The following PACRGL variants were observed in gnomAD, a reference collection of about 807,000 sequenced individuals.
PACRGL encodes PACRG-like protein.
In PACRGL, 38 loss-of-function variants were observed where a neutral mutation model predicts 34.5. The ratio of observed to expected loss-of-function variants is 1.10; its 90% confidence interval spans 0.85 to 1.44. PACRGL has a LOEUF of 1.44. PACRGL is among the 40% of genes most tolerant of loss of function. The pLI is 0.00. For missense variants in PACRGL, 305 were observed against 281.4 expected (o/e 1.08, Z -0.60); for synonymous variants, 128 against 100.1 (o/e 1.28, Z -1.66).
chr4:20,757,072 G>T (rs977936133), downstream of PACRGL, among the ~76,000 whole-genome samples: 8 of 152,012 alleles, frequency 5.3e-5, no homozygotes, highest in Non-Finnish European at 8.8e-5. Context: ...GATGTAATTT[G>T]TCCAAAACTG....
At position 20,729,800 on chromosome 4, in the gene PACRGL, G is replaced by A. The variant is rs1375673914; in HGVS notation, c.*2459G>A. On this transcript the variant is annotated 3_prime_UTR_variant, in exon 9 of 9. Coordinates refer to ENST00000503585, the MANE Select transcript of PACRGL (RefSeq NM_001258345.3). ...AAAGCCTCAATAATCCCATGGCTAAGGAACCAATAAAACTATATGCCAGAT... is the reference window on the plus strand; with the variant it reads ...AAAGCCTCAATAATCCCATGGCTAAAGAACCAATAAAACTATATGCCAGAT... 1 of 307,730 alleles carries A rather than the reference G, an allele frequency of 3.2e-6. No individual in the cohort carries two copies. The highest frequency in any genetic ancestry group is 2.2e-5 in the African/African-American group (1 of 46,452). The allele number at this position is 307,730 out of a possible 1,614,324, so 19.1% of individuals were successfully genotyped here. A position where few individuals can be genotyped will look rare whatever the true frequency, so the allele number is the denominator to read the frequency against.
At chr4:20,735,245 T>C, downstream of PACRGL, among the ~76,000 whole-genome samples, 1 of 152,222 alleles carries the variant, frequency 6.6e-6, no homozygotes, top group Non-Finnish European at 1.5e-5. Context: ...ACAGACTGCC[T>C]GGATTCACCC....
chr4:20,720,997 C>T (rs1469154864), intron 7 of PACRGL, among the ~76,000 whole-genome samples: 2 of 152,156 alleles, frequency 1.3e-5, no homozygotes, highest in African/African-American at 2.4e-5. Context: ...CACATAGTTC[C>T]ATATTTCTTG....
chr4:20,736,018 A>C (rs929330137), downstream of PACRGL, among the ~76,000 whole-genome samples: 6 of 152,132 alleles, frequency 3.9e-5, no homozygotes, highest in Non-Finnish European at 8.8e-5. Context: ...GAATTTCTCA[A>C]AATGTTTTTT....
chr4:20,707,686 T>C, intron 3 of PACRGL, 117 bp from the exon 4 acceptor site: 2 of 761,670 alleles, frequency 2.6e-6, no homozygotes, highest in Non-Finnish European at 4.6e-6. Context: ...CTCAACTGTG[T>C]TGCTGAGTAG....
Position 20,709,705 on chromosome 4 carries a change from C to A in PACRGL, c.298C>A (p.His100Asn). The A allele has an allele frequency of 1.2e-6, 2 of 1,607,628 alleles. No homozygotes were observed. The highest frequency in any genetic ancestry group is 1.7e-6 in the Non-Finnish European group (2 of 1,175,408). The change falls in exon 5 of 9, where the codon CAC becomes AAC. Residue 100 changes from histidine (H) to asparagine (N), a missense_variant. His to Asn is a moderately conservative substitution (Grantham distance 68). Coordinates refer to ENST00000503585, the MANE Select transcript of PACRGL (RefSeq NM_001258345.3). ...PCRLVHGSVK[H>N]RLQWECPPES... ...TAGATTGGTACATGGTTCAGTAAAA[C>A]ACAGATTACAGTGGGAATGTCCTCC...
the PACRGL span, among the ~76,000 whole-genome samples, chr4:20,764,032 T>C: frequency 6.6e-6 from 1 of 152,314 alleles, no homozygotes; most frequent in Non-Finnish European, 1.5e-5. Flanking sequence ...GCAGTAGGGT[T>C]CCTGGGTTTA....
rs189809747 is a variant in PACRGL, at chr4:20,744,911, G to T, written c.*57-7654G>T. ...CTGTGGAAGTTCACTTCATCTCTGAGTCTAGTGATAGAGCCATGACCTGGG... is the reference window on the plus strand; with the variant it reads ...CTGTGGAAGTTCACTTCATCTCTGATTCTAGTGATAGAGCCATGACCTGGG... On this transcript the variant is annotated intron_variant, in intron 8 of 8. Coordinates refer to the PACRGL transcript ENST00000507634. 2.3e-3 allele frequency among the ~76,000 whole-genome samples: 352 copies of T among 152,262 alleles called. 8 individuals are homozygous for T. The South Asian group carries it at 0.046, about 20-fold the overall frequency.
intron 3 of PACRGL, among the ~76,000 whole-genome samples, chr4:20,705,571 A>G (rs955093955): frequency 5.3e-5 from 8 of 152,120 alleles, no homozygotes; most frequent in African/African-American, 1.9e-4. Context: ...TCTGTAATCT[A>G]CAGTGTCAAG....
chr4:20,712,910 A>C lies in PACRGL; in HGVS notation c.489A>C (p.Leu163=). The C allele has an allele frequency of 6.3e-7, 1 of 1,578,000 alleles. No homozygotes were observed. Among genetic ancestry groups the C allele is most frequent in the South Asian group, 1.2e-5 (1 of 84,766 alleles). Residue 163 remains leucine (L), a synonymous_variant, in exon 6 of 9, where the codon CTA becomes CTC. Transcript: ENST00000503585. The stretch of plus-strand genomic sequence containing the variant: ...TGCTACCTAGACTGATTCCTGTGCT[A>C]AAGGCAGCTCTGGTATGTCATTTAT... ...IPLLPRLIPV[L]KAALVHSDDE... is the part of the protein sequence containing the mutation.
At chr4:20,734,594 C>G (rs369137711), downstream of PACRGL, 28 of 974,270 alleles carry the variant, frequency 2.9e-5, no homozygotes, top group Non-Finnish European at 4.0e-5. Context: ...GAAAATGGTC[C>G]AAATTACTGT....
chr4:20,741,832 TAAAG>T (rs560787256), intron 8 of PACRGL, among the ~76,000 whole-genome samples: 1,941 of 151,912 alleles, frequency 0.013, 20 homozygotes, highest in Non-Finnish European at 0.018. Flanking sequence ...GCAAGGCTAA[TAAAG>T]AAGAAAAGAG....
downstream of PACRGL, among the ~76,000 whole-genome samples, chr4:20,735,724 A>C (rs1458947925): frequency 3.3e-5 from 5 of 151,892 alleles, no homozygotes; most frequent in Non-Finnish European, 7.4e-5. Flanking sequence ...TTTGGTAGAG[A>C]TGGGGTTTCA....
intron 8 of PACRGL, among the ~76,000 whole-genome samples, chr4:20,747,974 T>C (rs1752722456): frequency 6.6e-6 from 1 of 152,204 alleles, no homozygotes; most frequent in African/African-American, 2.4e-5. Context: ...TTTGTTTTAA[T>C]TTCTTTTGAA....
downstream of PACRGL, chr4:20,734,558 C>T: frequency 2.7e-6 from 2 of 731,068 alleles, no homozygotes; most frequent in Non-Finnish European, 4.3e-6. Flanking sequence ...TTAATAATTG[C>T]AATTAATATT....
Position 20,729,887 on chromosome 4 carries a change from G to A in PACRGL, c.*2546G>A. On this transcript the variant is annotated 3_prime_UTR_variant, in exon 9 of 9. Transcript: ENST00000503585. ...GTTAGACCATCCCCTGAACTCAGTG[G>A]CATTATGAAAAGGATGCAAATTTAT... 2.0e-6 allele frequency: 1 copy of A among 505,112 alleles called. No homozygotes were observed. The highest frequency in any genetic ancestry group is 4.3e-5 in the South Asian group (1 of 23,364). 31.3% of individuals were successfully genotyped at this position (505,112 alleles called of 1,614,324 possible). A position where few individuals can be genotyped will look rare whatever the true frequency, so the allele number is the denominator to read the frequency against.
downstream of PACRGL, among the ~76,000 whole-genome samples, chr4:20,736,306 G>A (rs193207478): frequency 6.9e-4 from 105 of 152,092 alleles, no homozygotes; most frequent in African/African-American, 2.0e-3. Context: ...TAAATACATC[G>A]TAGTTTATTT....
At chr4:20,723,246 A>G (rs1209208715) in intron 7 of PACRGL, among the ~76,000 whole-genome samples, 5 of 152,196 alleles carry the variant, frequency 3.3e-5, no homozygotes, top group Admixed American at 1.3e-4. Context: ...GACCAACTAC[A>G]GGAATTTCAC....
At chr4:20,753,488 A>G (rs921469812), downstream of PACRGL, among the ~76,000 whole-genome samples, 1 of 152,186 alleles carries the variant, frequency 6.6e-6, no homozygotes, top group Non-Finnish European at 1.5e-5. Context: ...AAGTAACCCT[A>G]GAGTTCGTTC....
Sources: gnomAD v4.1 joint callset for allele counts (sites outside exome capture counted in the v4.1 genomes callset) on GRCh38, gnomAD v4.1.1 for gene constraint, MANE v1.5 for transcripts, NCBI Gene and HGNC (gene_info 2026-07-23, HGNC 2026-07-21) for gene names.